Variants in MRPL48 observed in about 807,000 individuals in gnomAD.
MRPL48 encodes the protein large ribosomal subunit protein mL48.
Under a neutral mutation model 32.9 loss-of-function variants are expected in MRPL48, and 16 were observed. That is an observed-to-expected ratio of 0.49 (90% CI 0.33 to 0.74). MRPL48 has a LOEUF of 0.74. MRPL48 is among the 30% of genes least tolerant of loss of function. MRPL48 has a pLI of 0.02. For missense variants in MRPL48, 206 were observed against 245.3 expected, an observed-to-expected ratio of 0.84 and a Z score of 1.07; for synonymous variants, 94 against 89.2, an observed-to-expected ratio of 1.05 and a Z score of -0.31.
Position 73,851,142 on chromosome 11 carries a change from C to A in MRPL48, c.371+6166C>A, listed in dbSNP as rs1049790554. ...ATTTTCTGTCATCACTTGTCCTTAT[C>A]ACTTTGAGTAATTCCTGGAACTGGG... On this transcript the variant is annotated intron_variant, in intron 5 of 7. Coordinates refer to ENST00000310614, the MANE Select transcript of MRPL48 (RefSeq NM_016055.6). 1.6e-5 allele frequency: 7 copies of A among 449,798 alleles called. No homozygotes were observed. The East Asian group carries it at 3.9e-4, about 25-fold the overall frequency. The allele number at this position is 449,798 out of a possible 1,614,324, so 27.9% of individuals were successfully genotyped here. A position where few individuals can be genotyped will look rare whatever the true frequency, so the allele number is the denominator to read the frequency against.
In MRPL48 at chr11:73,863,153, A is replaced by C. The variant is rs1299740704; in HGVS notation, c.475-19A>C. ...TTCAGCTCCTCCCACCTCTTAGAGC[A>C]CCTTCTTTCATTTTGCAGATCAGCG... On this transcript the variant is annotated intron_variant, in intron 6 of 7. Coordinates refer to ENST00000310614, the MANE Select transcript of MRPL48 (RefSeq NM_016055.6). The C allele has an allele frequency of 1.3e-6, 2 of 1,565,576 alleles. No individual in the cohort carries two copies. Among genetic ancestry groups the C allele is most frequent in the Admixed American group, 1.9e-5 (1 of 52,648 alleles).
At chr11:73,851,424 G>C (rs1368846971) in intron 5 of MRPL48, among the ~76,000 whole-genome samples, 2 of 152,168 alleles carry the variant, frequency 1.3e-5, no homozygotes, top group Non-Finnish European at 2.9e-5. Context: ...ATACATTAGA[G>C]TGCAACTGTG....
In MRPL48 at chr11:73,805,064, C is replaced by T. The variant is rs58792356; in HGVS notation, c.59C>T (p.Ala20Val). ...AGGAACAATACCATTTTTAAGCAAGCCTTTTCTCTCTTAAGGTAAGAATAT... is the reference window on the plus strand; with the variant it reads ...AGGAACAATACCATTTTTAAGCAAGTCTTTTCTCTCTTAAGGTAAGAATAT... ...CLRNNTIFKQ[A>V]FSLLRFRTSG... The change falls in exon 2 of 8, where the codon GCC becomes GTC. Residue 20 changes from alanine (A) to valine (V), a missense_variant. Coordinates refer to ENST00000310614, the MANE Select transcript of MRPL48 (RefSeq NM_016055.6). 6 of 1,582,476 alleles carry T rather than the reference C, an allele frequency of 3.8e-6. No homozygotes were observed. Among genetic ancestry groups the T allele is most frequent in the Middle Eastern group, 1.7e-4 (1 of 6,016 alleles).
intron 3 of MRPL48, among the ~76,000 whole-genome samples, chr11:73,818,706 C>CTACCTGCA (rs1947719260): frequency 6.6e-6 from 1 of 152,162 alleles, no homozygotes; most frequent in Admixed American, 6.5e-5. Context: ...TTTTCTTTCC[C>CTACCTGCA]TACCTGCATA....
At chr11:73,814,022 CAG>C (rs1947614689) in intron 3 of MRPL48, among the ~76,000 whole-genome samples, 1 of 139,966 alleles carries the variant, frequency 7.1e-6, no homozygotes, top group African/African-American at 2.7e-5. Flanking sequence ...GCCTGAGCGA[CAG>C]AGTGAGACTC....
At chr11:73,842,279 A>G (rs548504444) in intron 4 of MRPL48, 2 of 152,092 alleles carry the variant, frequency 1.3e-5, no homozygotes, top group African/African-American at 4.8e-5. Context: ...GCTTCCAGAG[A>G]TATTTTTTAA....
chr11:73,811,901 T>C (rs1042320723), intron 3 of MRPL48, among the ~76,000 whole-genome samples: 3 of 152,214 alleles, frequency 2.0e-5, no homozygotes, highest in Admixed American at 6.5e-5. Flanking sequence ...CCAGTCTTTT[T>C]TTTTGAGATG....
intron 5 of MRPL48, among the ~76,000 whole-genome samples, chr11:73,852,194 C>T (rs1948404859): frequency 6.6e-6 from 1 of 152,018 alleles, no homozygotes; most frequent in Non-Finnish European, 1.5e-5. Context: ...TGTTTAGTGA[C>T]TGGTTGCACA....
At chr11:73,852,799 G>T (rs1407489735) in intron 5 of MRPL48, among the ~76,000 whole-genome samples, 1 of 152,138 alleles carries the variant, frequency 6.6e-6, no homozygotes, top group East Asian at 1.9e-4. Context: ...CTGCACTCCC[G>T]TATTTATTGC....
At chr11:73,843,694 G>A (rs1243257966) in intron 4 of MRPL48, among the ~76,000 whole-genome samples, 1 of 152,178 alleles carries the variant, frequency 6.6e-6, no homozygotes, top group Admixed American at 6.5e-5. Context: ...AACTAATGCT[G>A]AGATTCCTTT....
Position 73,838,862 on chromosome 11 carries a change from G to A in MRPL48, c.202-5945G>A, listed in dbSNP as rs965749535. ...CCTGGGGTCTGTCTTGTCTGGCTTCGTGATTCTGGGGAACACATTTATCTG... is the reference window on the plus strand; with the variant it reads ...CCTGGGGTCTGTCTTGTCTGGCTTCATGATTCTGGGGAACACATTTATCTG... On this transcript the variant is annotated intron_variant, in intron 4 of 7. Transcript: ENST00000310614. 3.9e-5 allele frequency among the ~76,000 whole-genome samples: 6 copies of A among 152,118 alleles called. No individual in the cohort carries two copies. In the East Asian group the frequency reaches 5.8e-4, roughly 15 times the overall value.
chr11:73,861,932 A>C (rs1365546806), intron 6 of MRPL48, among the ~76,000 whole-genome samples: 1 of 152,144 alleles, frequency 6.6e-6, no homozygotes, highest in Non-Finnish European at 1.5e-5. Flanking sequence ...TGGTGTTCTT[A>C]GCACAGCGTT....
At chr11:73,832,438 A>G (rs970201797) in intron 4 of MRPL48, 4 of 152,350 alleles carry the variant, frequency 2.6e-5, no homozygotes, top group African/African-American at 9.6e-5. Flanking sequence ...CTTTATGGTT[A>G]TAGTCCTGGC....
intron 1 of MRPL48, among the ~76,000 whole-genome samples, chr11:73,794,220 CTATCTAT>C (rs1476261628): frequency 1.1e-3 from 165 of 150,570 alleles, no homozygotes; most frequent in Admixed American, 2.5e-3. Context: ...ATCTATCTAT[CTATCTAT>C]CTAAACTATC....
chr11:73,796,132 T>C (rs935595954), intron 1 of MRPL48, among the ~76,000 whole-genome samples: 1 of 152,082 alleles, frequency 6.6e-6, no homozygotes, highest in African/African-American at 2.4e-5. Flanking sequence ...CCCTTCCGAG[T>C]TGGGGCGGTG....
At chr11:73,852,605 G>A (rs994871769) in intron 5 of MRPL48, among the ~76,000 whole-genome samples, 1 of 152,170 alleles carries the variant, frequency 6.6e-6, no homozygotes, top group Admixed American at 6.6e-5. Context: ...AACAAATGTT[G>A]ACGAGGATGT....
At chr11:73,803,877 T>C (rs1347573499) in intron 1 of MRPL48, among the ~76,000 whole-genome samples, 1 of 152,130 alleles carries the variant, frequency 6.6e-6, no homozygotes, top group African/African-American at 2.4e-5. Flanking sequence ...CTTACCTCCA[T>C]TGTGAAGTAT....
chr11:73,840,024 G>A (rs1670570), intron 4 of MRPL48, among the ~76,000 whole-genome samples: 66,579 of 151,200 alleles, frequency 0.44, 15,481 homozygotes, highest in African/African-American at 0.6. Context: ...CTTGAGACCC[G>A]GAGTTCCAGG....
intron 4 of MRPL48, chr11:73,842,032 C>T (rs1175854864): frequency 6.6e-6 from 1 of 152,194 alleles, no homozygotes; most frequent in African/African-American, 2.4e-5. Flanking sequence ...CTCACTGCAA[C>T]CTCTGCCTCC....
Sources: allele counts gnomAD v4.1 joint callset (sites outside exome capture counted in the v4.1 genomes callset), GRCh38; gene constraint gnomAD v4.1.1; transcripts MANE v1.5; gene names NCBI Gene and HGNC (gene_info 2026-07-23, HGNC 2026-07-21).